BANK1: variants seen among roughly 807,000 people sequenced by gnomAD.
BANK1 encodes B-cell scaffold protein with ankyrin repeats.
In BANK1, 95 loss-of-function variants were observed where a neutral mutation model predicts 94.5. The observed-to-expected ratio is 1.00, with a 90% CI of 0.85 to 1.19. BANK1 has a LOEUF of 1.19. Ranked by LOEUF, BANK1 falls within the 50% of genes most tolerant of loss-of-function variation. BANK1 has a pLI of 0.00. For synonymous variants in BANK1, 334 were observed against 308.4 expected (o/e 1.08, Z -0.87); for missense variants, 987 against 932.2 (o/e 1.06, Z -0.77).
chr4:101,867,463 C>T (rs549344470), intron 4 of BANK1, among the ~76,000 whole-genome samples: 29 of 129,190 alleles, frequency 2.2e-4, no homozygotes, highest in African/African-American at 6.5e-4. Flanking sequence ...CTTAGATCTA[C>T]GTAAAGAAAG....
At chr4:101,921,931 G>T (rs1306759385) in intron 7 of BANK1, among the ~76,000 whole-genome samples, 1 of 151,690 alleles carries the variant, frequency 6.6e-6, no homozygotes. Flanking sequence ...TTGCTCATGT[G>T]TGCGATGGGA....
chr4:101,850,953 A>C (rs1342025466), intron 2 of BANK1, among the ~76,000 whole-genome samples: 1 of 152,058 alleles, frequency 6.6e-6, no homozygotes, highest in Non-Finnish European at 1.5e-5. Context: ...CTGAGACAAA[A>C]CACTATTGAA....
intron 1 of BANK1, among the ~76,000 whole-genome samples, chr4:101,810,382 A>G (rs1725700008): frequency 6.6e-6 from 1 of 152,224 alleles, no homozygotes; most frequent in South Asian, 2.1e-4. Context: ...CATGTGGGCT[A>G]TGCAAAAGCA....
At chr4:101,954,179 G>T (rs1446488010) in intron 7 of BANK1, among the ~76,000 whole-genome samples, 1 of 152,036 alleles carries the variant, frequency 6.6e-6, no homozygotes, top group East Asian at 1.9e-4. Flanking sequence ...CTCTTAAAAG[G>T]ACATCAGTCA....
At chr4:101,849,357 G>A (rs1346054941) in intron 2 of BANK1, among the ~76,000 whole-genome samples, 3 of 152,104 alleles carry the variant, frequency 2.0e-5, no homozygotes, top group African/African-American at 7.2e-5. Context: ...AGGTCCAATG[G>A]CTAGAATGTT....
intron 16 of BANK1, 77 bp from the exon 17 acceptor site, chr4:102,073,928 G>C (rs1728838714): frequency 4.4e-6 from 2 of 458,774 alleles, no homozygotes; most frequent in Non-Finnish European, 3.8e-6. Context: ...ATGTACAGGG[G>C]TGATTTAATG....
intron 6 of BANK1, among the ~76,000 whole-genome samples, chr4:101,911,981 GCTCT>G (rs1722678967): frequency 6.6e-6 from 1 of 152,016 alleles, no homozygotes; most frequent in Admixed American, 6.6e-5. Flanking sequence ...CAGGAAATAG[GCTCT>G]CTAATATCCA....
At chr4:101,998,936 CT>C (rs1725969008) in intron 7 of BANK1, among the ~76,000 whole-genome samples, 1 of 152,166 alleles carries the variant, frequency 6.6e-6, no homozygotes, top group South Asian at 2.1e-4. Context: ...ATTTGGATGT[CT>C]GCTTGCTTTA....
chr4:102,065,292 T>C (rs963957537), intron 13 of BANK1, among the ~76,000 whole-genome samples: 4 of 152,138 alleles, frequency 2.6e-5, no homozygotes, highest in African/African-American at 9.7e-5. Flanking sequence ...CAACAAGATC[T>C]ATCTGGGAGA....
At chr4:101,831,972 C>T (rs1333159556) in intron 2 of BANK1, among the ~76,000 whole-genome samples, 1 of 152,172 alleles carries the variant, frequency 6.6e-6, no homozygotes, top group Non-Finnish European at 1.5e-5. Context: ...GCTAACAGGG[C>T]TTACATTGTT....
intron 11 of BANK1, among the ~76,000 whole-genome samples, chr4:102,047,275 G>A (rs143515217): frequency 6.6e-6 from 1 of 152,220 alleles, no homozygotes; most frequent in East Asian, 1.9e-4. Flanking sequence ...TCATCTTCCA[G>A]TTAATACACG....
rs184246824 is a variant in BANK1, at chr4:101,928,756, G to A, written c.1206+10567G>A. ...CAATCTGGTTCATTACTGCAGTATT[G>A]GACCACGTCGCTAAATAAGCCCACA... On this transcript the variant is annotated intron_variant, in intron 7 of 16. Coordinates refer to ENST00000322953, the MANE Select transcript of BANK1 (RefSeq NM_017935.5). Among the ~76,000 whole-genome samples, 86 of 151,686 alleles carry A rather than the reference G, an allele frequency of 5.7e-4. 3 individuals are homozygous for A. In the East Asian group the frequency reaches 0.014, roughly 26 times the overall value.
chr4:102,001,190 A>G (rs1726057095), intron 7 of BANK1, among the ~76,000 whole-genome samples: 1 of 152,212 alleles, frequency 6.6e-6, no homozygotes, highest in South Asian at 2.1e-4. Flanking sequence ...CTGTACGTTC[A>G]TTTCCCTGGC....
intron 6 of BANK1, among the ~76,000 whole-genome samples, chr4:101,908,883 T>C (rs1410805551): frequency 2.6e-5 from 4 of 152,086 alleles, no homozygotes; most frequent in Non-Finnish European, 4.4e-5. Context: ...GTTAGAATGG[T>C]GATCATTAAA....
At chr4:102,003,457 G>C (rs989403822) in intron 7 of BANK1, among the ~76,000 whole-genome samples, 1 of 152,104 alleles carries the variant, frequency 6.6e-6, no homozygotes, top group African/African-American at 2.4e-5. Context: ...AGGTCAGCTG[G>C]GACTGTGAAC....
At chr4:102,028,021 C>T (rs1727161711) in intron 9 of BANK1, among the ~76,000 whole-genome samples, 1 of 152,126 alleles carries the variant, frequency 6.6e-6, no homozygotes, top group Non-Finnish European at 1.5e-5. Context: ...GATATACCAC[C>T]TGAATTCAGA....
chr4:101,801,051 A>G (rs1382787588), intron 1 of BANK1, among the ~76,000 whole-genome samples: 1 of 152,174 alleles, frequency 6.6e-6, no homozygotes, highest in Non-Finnish European at 1.5e-5. Context: ...TCAGATTGCT[A>G]TAATCTTACA....
chr4:101,911,639 A>T (rs905461953), intron 6 of BANK1, among the ~76,000 whole-genome samples: 26 of 152,340 alleles, frequency 1.7e-4, no homozygotes, highest in African/African-American at 4.6e-4. Flanking sequence ...CCCTGGTATC[A>T]ATAGATACAA....
intron 3 of BANK1, among the ~76,000 whole-genome samples, chr4:101,859,767 A>C (rs1578361772): frequency 6.6e-6 from 1 of 152,336 alleles, no homozygotes; most frequent in East Asian, 1.9e-4. Flanking sequence ...CCTTAATTTA[A>C]AAATATATAT....
Sources: gnomAD v4.1 joint callset for allele counts (sites outside exome capture counted in the v4.1 genomes callset) on GRCh38, gnomAD v4.1.1 for gene constraint, MANE v1.5 for transcripts, NCBI Gene and HGNC (gene_info 2026-07-23, HGNC 2026-07-21) for gene names.